Variants in SDHC observed in about 807,000 individuals in gnomAD.
SDHC encodes the protein succinate dehydrogenase cytochrome b560 subunit, mitochondrial.
A neutral mutation model predicts 22.6 loss-of-function variants in SDHC; 11 were observed. That is an observed-to-expected ratio of 0.49 (90% CI 0.31 to 0.81). SDHC has a LOEUF of 0.81. Ranked by LOEUF, SDHC falls within the 30% of genes least tolerant of loss-of-function variation. The probability of loss-of-function intolerance (pLI) is 0.05; values close to 1 mark genes in which losing one functional copy is unlikely to be tolerated. For missense variants in SDHC, 160 were observed against 212.0 expected (o/e 0.75, Z 1.52); for synonymous variants, 80 against 77.8 (o/e 1.03, Z -0.15).
chr1:161,333,330 A>C (rs893275557), intron 3 of SDHC, among the ~76,000 whole-genome samples: 15 of 151,776 alleles, frequency 9.9e-5, no homozygotes. Flanking sequence ...TTGTGTGCAC[A>C]TATGTTTCAT....
At chr1:161,334,306 T>G (rs893151420) in intron 3 of SDHC, among the ~76,000 whole-genome samples, 1 of 151,896 alleles carries the variant, frequency 6.6e-6, no homozygotes, top group Non-Finnish European at 1.5e-5. Flanking sequence ...GACTCCTTTC[T>G]TCTGTGAGCC....
chr1:161,334,588 A>G (rs1671401734), intron 3 of SDHC, among the ~76,000 whole-genome samples: 1 of 152,026 alleles, frequency 6.6e-6, no homozygotes, highest in African/African-American at 2.4e-5. Context: ...ATAGGCATGT[A>G]CCACCATGGC....
At chr1:161,319,146 G>A (rs75694778) in intron 1 of SDHC, among the ~76,000 whole-genome samples, 2 of 151,970 alleles carry the variant, frequency 1.3e-5, no homozygotes, top group Admixed American at 6.6e-5. Context: ...GCTTGAACTC[G>A]GGAAGTGGAG....
chr1:161,354,233 G>A (rs1444737908), intron 4 of SDHC, among the ~76,000 whole-genome samples: 2 of 152,124 alleles, frequency 1.3e-5, no homozygotes, highest in African/African-American at 4.8e-5. Flanking sequence ...ATTGGATACT[G>A]CCACCCTCAT....
chr1:161,360,290 C>T (rs1672458630), intron 5 of SDHC, among the ~76,000 whole-genome samples: 1 of 152,004 alleles, frequency 6.6e-6, no homozygotes, highest in African/African-American at 2.4e-5. Context: ...CATGGTAGCT[C>T]ATGTCTGTAA....
intron 4 of SDHC, among the ~76,000 whole-genome samples, chr1:161,350,770 A>G (rs1571882767): frequency 6.6e-6 from 1 of 152,182 alleles, no homozygotes; most frequent in Non-Finnish European, 1.5e-5. Flanking sequence ...GATGAAAAGA[A>G]ATGGAATTTG....
intron 5 of SDHC, among the ~76,000 whole-genome samples, chr1:161,361,640 C>T (rs1255339267): frequency 6.6e-6 from 1 of 152,120 alleles, no homozygotes; most frequent in East Asian, 1.9e-4. Flanking sequence ...GAGATCAAGA[C>T]CATCCTGGCT....
intron 4 of SDHC, among the ~76,000 whole-genome samples, chr1:161,353,362 G>A (rs1193385991): frequency 2.6e-5 from 4 of 152,138 alleles, no homozygotes; most frequent in African/African-American, 7.2e-5. Context: ...TTTGGCTATT[G>A]AAGTTTCAGA....
At chr1:161,328,353 A>C in intron 2 of SDHC, 43 bp from the exon 3 acceptor site, 1 of 1,446,098 alleles carries the variant, frequency 6.9e-7, no homozygotes. Context: ...TATTAAACCA[A>C]GTTTACTTTT....
intron 1 of SDHC, among the ~76,000 whole-genome samples, 196 bp from the exon 2 acceptor site, chr1:161,323,418 A>G (rs1670913443): frequency 6.6e-6 from 1 of 152,136 alleles, no homozygotes; most frequent in Non-Finnish European, 1.5e-5. Flanking sequence ...TTGCATTTTT[A>G]GGTAATATTT....
chr1:161,333,045 T>A (rs1259061737), intron 3 of SDHC, among the ~76,000 whole-genome samples: 2 of 152,246 alleles, frequency 1.3e-5, no homozygotes, highest in Non-Finnish European at 2.9e-5. Context: ...TTCCATCTTA[T>A]AAACTTACCT....
chr1:161,323,233 T>C (rs4272643), intron 1 of SDHC, among the ~76,000 whole-genome samples: 17 of 151,662 alleles, frequency 1.1e-4, no homozygotes, highest in Non-Finnish European at 1.9e-4. Context: ...CTCCTGACCT[T>C]GTGATCCGTC....
At chr1:161,331,696 C>T (rs773948887) in intron 3 of SDHC, among the ~76,000 whole-genome samples, 13 of 151,588 alleles carry the variant, frequency 8.6e-5, no homozygotes, top group Middle Eastern at 3.4e-3. Flanking sequence ...CCCTGGTTCA[C>T]GCGGTTCTCC....
chr1:161,354,084 C>T (rs536529039), intron 4 of SDHC, among the ~76,000 whole-genome samples: 3 of 151,958 alleles, frequency 2.0e-5, no homozygotes, highest in African/African-American at 4.8e-5. Context: ...TTCCTGGGCC[C>T]GAGTAATCCT....
chr1:161,358,390 C>T (rs949313591), intron 5 of SDHC, among the ~76,000 whole-genome samples: 2 of 151,580 alleles, frequency 1.3e-5, no homozygotes, highest in Non-Finnish European at 2.9e-5. Context: ...ATTACAGGCG[C>T]GAGCCACTGC....
chr1:161,334,886 T>C (rs976416026), intron 3 of SDHC, among the ~76,000 whole-genome samples: 3 of 152,250 alleles, frequency 2.0e-5, no homozygotes, highest in Non-Finnish European at 4.4e-5. Flanking sequence ...AATACTTGGC[T>C]GTGCATTTCC....
At chr1:161,318,636 A>G (rs761025599) in intron 1 of SDHC, among the ~76,000 whole-genome samples, 3 of 152,266 alleles carry the variant, frequency 2.0e-5, no homozygotes, top group Non-Finnish European at 2.9e-5. Context: ...CTCTCAATTT[A>G]TGAAACTGCT....
In SDHC at chr1:161,356,771, G is replaced by A; in HGVS notation, c.336G>A (p.Leu112=). The A allele has an allele frequency of 6.2e-7, 1 of 1,614,100 alleles. No homozygotes were observed. Among genetic ancestry groups the A allele is most frequent in the Non-Finnish European group, 8.5e-7 (1 of 1,180,012 alleles). ...AGTCCCTGTGTCTGGGGCCAGCACT[G>A]ATCCACACAGCTAAGTTTGCACTTG... ...LVKSLCLGPA[L]IHTAKFALVF... The change falls in exon 5 of 6, where the codon CTG becomes CTA. Residue 112 remains leucine (L), a synonymous_variant. Coordinates refer to ENST00000367975, the MANE Select transcript of SDHC (RefSeq NM_003001.5).
chr1:161,333,079 T>C (rs1392730761), intron 3 of SDHC, among the ~76,000 whole-genome samples: 1 of 152,260 alleles, frequency 6.6e-6, no homozygotes, highest in Non-Finnish European at 1.5e-5. Context: ...CATTTAAATG[T>C]AGTGATAAAA....
Sources: allele counts gnomAD v4.1 joint callset (sites outside exome capture counted in the v4.1 genomes callset), GRCh38; gene constraint gnomAD v4.1.1; transcripts MANE v1.5; gene names NCBI Gene and HGNC (gene_info 2026-07-23, HGNC 2026-07-21).